Variants in VKORC1L1 observed in about 807,000 individuals in gnomAD.
VKORC1L1 encodes vitamin K epoxide reductase complex subunit 1-like protein 1.
VKORC1L1 carries 2 observed loss-of-function variants against 18.9 expected under a neutral mutation model. That is an observed-to-expected ratio of 0.11 (90% CI 0.04 to 0.33). The LOEUF is 0.33. Ranked by LOEUF, VKORC1L1 falls within the 10% of genes least tolerant of loss-of-function variation. The pLI, the probability that VKORC1L1 is intolerant of heterozygous loss-of-function variation, is 1.00. For missense variants in VKORC1L1, 123 were observed against 224.1 expected (o/e 0.55, Z 2.88); for synonymous variants, 96 against 100.0 (o/e 0.96, Z 0.24).
At chr7:65,872,129 T>C (rs1485398955), upstream of VKORC1L1, among the ~76,000 whole-genome samples, 1 of 152,226 alleles carries the variant, frequency 6.6e-6, no homozygotes, top group Non-Finnish European at 1.5e-5. Context: ...AAATTTATGA[T>C]GCAATTTTAA....
intron 1 of VKORC1L1, among the ~76,000 whole-genome samples, chr7:65,877,942 C>T (rs926778646): frequency 2.6e-5 from 4 of 152,034 alleles, no homozygotes; most frequent in South Asian, 2.1e-4. Flanking sequence ...ATGCAGGTTT[C>T]GGTCTGCATT....
At chr7:65,902,190 A>G (rs1583836348) in intron 1 of VKORC1L1, among the ~76,000 whole-genome samples, 1 of 152,236 alleles carries the variant, frequency 6.6e-6, no homozygotes, top group Non-Finnish European at 1.5e-5. Context: ...AATCAGCAGA[A>G]CTAGATCCAG....
At chr7:65,935,241 A>C (rs956188205) in intron 1 of VKORC1L1, among the ~76,000 whole-genome samples, 3 of 151,972 alleles carry the variant, frequency 2.0e-5, no homozygotes, top group Non-Finnish European at 4.4e-5. Flanking sequence ...TTGATCCCTC[A>C]AAGAGATCTT....
rs912189705 is a variant in VKORC1L1, at chr7:65,954,712, G to A, written c.*412G>A. 10 of 197,932 alleles carry A rather than the reference G, an allele frequency of 5.1e-5. No individual in the cohort carries two copies. Among genetic ancestry groups the A allele is most frequent in the Middle Eastern group, 2.3e-3 (1 of 432 alleles). 12.3% of individuals were successfully genotyped at this position (197,932 alleles called of 1,614,324 possible). A position where few individuals can be genotyped will look rare whatever the true frequency, so the allele number is the denominator to read the frequency against. On this transcript the variant is annotated 3_prime_UTR_variant, in exon 3 of 3. Coordinates refer to ENST00000360768, the MANE Select transcript of VKORC1L1 (RefSeq NM_173517.6). ...TAGAATAGATACTGTATTAAATATT[G>A]CCATGTTTACAATATGTAATATGTT...
At chr7:65,932,264 ATTTTTGTAT>A (rs1458948781) in intron 1 of VKORC1L1, among the ~76,000 whole-genome samples, 1 of 147,604 alleles carries the variant, frequency 6.8e-6, no homozygotes, top group East Asian at 2.1e-4. Flanking sequence ...CCTCCAGCTA[ATTTTTGTAT>A]TTTTGGTAGA....
At chr7:65,909,970 C>T (rs886741286) in intron 1 of VKORC1L1, among the ~76,000 whole-genome samples, 4 of 152,086 alleles carry the variant, frequency 2.6e-5, no homozygotes, top group Non-Finnish European at 4.4e-5. Flanking sequence ...CCCACCTCGG[C>T]CTCCCAAAGT....
At chr7:65,881,877 C>T (rs1190655361) in intron 1 of VKORC1L1, among the ~76,000 whole-genome samples, 2 of 147,162 alleles carry the variant, frequency 1.4e-5, no homozygotes, top group Non-Finnish European at 3.0e-5. Flanking sequence ...GTCAGGAGTT[C>T]AAGACCAGCT....
At chr7:65,870,709 C>T (rs901478872), upstream of VKORC1L1, among the ~76,000 whole-genome samples, 2 of 152,134 alleles carry the variant, frequency 1.3e-5, no homozygotes, top group Non-Finnish European at 2.9e-5. Context: ...GTAAAGGAAT[C>T]TATAAGAAGG....
chr7:65,935,053 CA>C (rs551047338), intron 1 of VKORC1L1, among the ~76,000 whole-genome samples: 4,454 of 58,428 alleles, frequency 0.076, 100 homozygotes, highest in East Asian at 0.18. Context: ...GATTACATCT[CA>C]AAAAAAAAAA....
intron 1 of VKORC1L1, among the ~76,000 whole-genome samples, chr7:65,884,813 A>G (rs920760675): frequency 2.6e-5 from 4 of 152,328 alleles, no homozygotes; most frequent in African/African-American, 9.6e-5. Context: ...TTCCCCAAGC[A>G]TCAGCAAGAT....
At chr7:65,918,869 C>T (rs1789630087) in intron 1 of VKORC1L1, among the ~76,000 whole-genome samples, 2 of 152,112 alleles carry the variant, frequency 1.3e-5, no homozygotes, top group African/African-American at 4.8e-5. Flanking sequence ...CTGAGGCAGG[C>T]AGATCACTTG....
intron 1 of VKORC1L1, among the ~76,000 whole-genome samples, chr7:65,901,961 T>G (rs975384697): frequency 7.9e-5 from 12 of 152,278 alleles, no homozygotes; most frequent in African/African-American, 2.4e-4. Flanking sequence ...TTCGCCCTAA[T>G]TTAAAGGCTA....
intron 1 of VKORC1L1, among the ~76,000 whole-genome samples, chr7:65,941,385 G>T (rs1029505025): frequency 1.3e-5 from 2 of 151,922 alleles, no homozygotes; most frequent in African/African-American, 4.8e-5. Flanking sequence ...CAAAGTGCTG[G>T]ATTACAGGCA....
chr7:65,934,931 G>A (rs1216594180), intron 1 of VKORC1L1, among the ~76,000 whole-genome samples: 2 of 151,702 alleles, frequency 1.3e-5, no homozygotes, highest in Admixed American at 6.6e-5. Context: ...GTGGGTGCCT[G>A]TAATCCCAGC....
At position 65,901,061 on chromosome 7, in the gene VKORC1L1, A is replaced by G. The variant is rs1408187276; in HGVS notation, c.194+27496A>G. On this transcript the variant is annotated intron_variant, in intron 1 of 2. Transcript: ENST00000360768. ...ACTTGCCTAGAACTTTCAAGATTCAAGAATCAGAAATGATAATCAAAGAGA... is the reference window on the plus strand; with the variant it reads ...ACTTGCCTAGAACTTTCAAGATTCAGGAATCAGAAATGATAATCAAAGAGA... Among the ~76,000 whole-genome samples the G allele has an allele frequency of 3.3e-5, 5 of 152,352 alleles. No homozygotes were observed. In the East Asian group the frequency reaches 7.7e-4, roughly 23 times the overall value.
intron 1 of VKORC1L1, among the ~76,000 whole-genome samples, chr7:65,878,061 C>A (rs1788859874): frequency 6.6e-6 from 1 of 152,080 alleles, no homozygotes; most frequent in South Asian, 2.1e-4. Flanking sequence ...CCTTATTTTA[C>A]AAAATGTCGG....
At chr7:65,903,765 CCGTGTCTCAA>C in intron 1 of VKORC1L1, among the ~76,000 whole-genome samples, 1 of 88,140 alleles carries the variant, frequency 1.1e-5, no homozygotes, top group Non-Finnish European at 2.2e-5. Context: ...TAGAGCGAGA[CCGTGTCTCAA>C]AAAAAAAAAA....
chr7:65,948,557 A>T, intron 1 of VKORC1L1, 114 bp from the exon 2 acceptor site: 1 of 396,708 alleles, frequency 2.5e-6, no homozygotes, highest in Non-Finnish European at 4.4e-6. Flanking sequence ...CAGGACATTT[A>T]AGACATTTCA....
chr7:65,916,269 A>G (rs34136756), intron 1 of VKORC1L1, among the ~76,000 whole-genome samples: 18,842 of 151,776 alleles, frequency 0.12, 1,323 homozygotes, highest in Middle Eastern at 0.21. Flanking sequence ...AGCATTTCCC[A>G]TGTTGACCAA....
Sources: allele counts gnomAD v4.1 joint callset (sites outside exome capture counted in the v4.1 genomes callset), GRCh38; gene constraint gnomAD v4.1.1; transcripts MANE v1.5; gene names NCBI Gene and HGNC (gene_info 2026-07-23, HGNC 2026-07-21).